Variants in UPB1 observed in about 807,000 individuals in gnomAD.
UPB1 encodes beta-ureidopropionase 1, also known as beta-ureidopropionase.
UPB1 carries 40 observed loss-of-function variants against 49.1 expected under a neutral mutation model. That is an observed-to-expected ratio of 0.81 (90% confidence interval 0.63 to 1.06). UPB1 has a LOEUF of 1.06. UPB1 is among the 50% of genes least tolerant of loss of function. The pLI is 0.00. For missense variants in UPB1, 499 were observed against 505.9 expected, an observed-to-expected ratio of 0.99 and a Z score of 0.13; for synonymous variants, 207 against 198.2, an observed-to-expected ratio of 1.04 and a Z score of -0.38.
Position 24,526,646 on chromosome 22 carries a change from AG to A in UPB1, c.*853del, listed in dbSNP as rs2044484548. 6.6e-6 allele frequency: 1 copy of A among 152,278 alleles called. No homozygotes were observed. The highest frequency in any genetic ancestry group is 1.5e-5 in the Non-Finnish European group (1 of 68,064). 9.4% of individuals were successfully genotyped at this position (152,278 alleles called of 1,614,324 possible). On this transcript the variant is annotated 3_prime_UTR_variant, in exon 10 of 10. Coordinates refer to ENST00000326010, the MANE Select transcript of UPB1 (RefSeq NM_016327.3). ...AGATTTTGGTGCCAAAAGTGGTTCT[AG>A]AAAAATAGAATCTTAAAGATGAGTT...
intron 6 of UPB1, chr22:24,518,426 G>C (rs1048822975): frequency 6.6e-6 from 1 of 152,224 alleles, no homozygotes; most frequent in East Asian, 1.9e-4. Context: ...GATGAGGATA[G>C]TCATGGAGTG....
intron 1 of UPB1, among the ~76,000 whole-genome samples, chr22:24,496,878 A>G (rs1473339224): frequency 2.9e-4 from 44 of 152,206 alleles, no homozygotes; most frequent in Admixed American, 2.8e-3. Context: ...TGCTGGATTT[A>G]GCCATGATAA....
chr22:24,507,053 C>A (rs2044104084), intron 3 of UPB1, among the ~76,000 whole-genome samples: 1 of 152,212 alleles, frequency 6.6e-6, no homozygotes, highest in Non-Finnish European at 1.5e-5. Context: ...AGTTGAAGAA[C>A]TGTAGTTGGG....
chr22:24,512,047 T>G (rs188752887), intron 4 of UPB1, among the ~76,000 whole-genome samples: 1 of 152,318 alleles, frequency 6.6e-6, no homozygotes, highest in African/African-American at 2.4e-5. Context: ...ATACATATAC[T>G]TAGGGGCTTT....
At chr22:24,516,702 G>A (rs951308981) in intron 6 of UPB1, 1 of 151,976 alleles carries the variant, frequency 6.6e-6, no homozygotes, top group African/African-American at 2.4e-5. Flanking sequence ...CCTCATTCTT[G>A]ACTAAATTTC....
At chr22:24,515,962 G>A (rs538761741) in intron 6 of UPB1, among the ~76,000 whole-genome samples, 81 of 152,040 alleles carry the variant, frequency 5.3e-4, no homozygotes, top group Non-Finnish European at 8.2e-4. Flanking sequence ...GTGATAGAGC[G>A]AGACTCCATC....
intron 6 of UPB1, among the ~76,000 whole-genome samples, chr22:24,519,236 A>C (rs576705774): frequency 6.6e-6 from 1 of 152,144 alleles, no homozygotes; most frequent in Non-Finnish European, 1.5e-5. Flanking sequence ...CAGACTCATG[A>C]ATCCTCCTGA....
intron 3 of UPB1, among the ~76,000 whole-genome samples, chr22:24,505,249 G>A (rs1055694230): frequency 1.3e-5 from 2 of 152,104 alleles, no homozygotes; most frequent in African/African-American, 4.8e-5. Context: ...AGTAAATTTT[G>A]TTTTCTCTCT....
chr22:24,499,150 G>T (rs554236037), intron 1 of UPB1, among the ~76,000 whole-genome samples: 3 of 152,338 alleles, frequency 2.0e-5, no homozygotes, highest in Admixed American at 2.0e-4. Flanking sequence ...CACATGGAAA[G>T]TGCCTGGCAG....
At chr22:24,509,731 G>T (rs886153694) in intron 3 of UPB1, among the ~76,000 whole-genome samples, 2 of 121,462 alleles carry the variant, frequency 1.6e-5, no homozygotes, top group African/African-American at 6.8e-5. Flanking sequence ...TGTGTGTGTG[G>T]CATATAGATA....
chr22:24,521,434 C>T (rs2044391585), intron 7 of UPB1, among the ~76,000 whole-genome samples: 1 of 152,060 alleles, frequency 6.6e-6, no homozygotes, highest in Non-Finnish European at 1.5e-5. Flanking sequence ...GCGGTCGCAT[C>T]ATTGCACTCC....
At chr22:24,495,532 AT>A (rs769205884) in intron 1 of UPB1, 25 bp downstream of exon 1, 91 of 1,611,402 alleles carry the variant, frequency 5.6e-5, no homozygotes, top group Non-Finnish European at 7.4e-5. Context: ...GGCTAAGCTA[AT>A]GGGGTCTTGG....
intron 3 of UPB1, chr22:24,502,578 C>G (rs757800682): frequency 3.8e-5 from 29 of 766,928 alleles, no homozygotes; most frequent in African/African-American, 1.9e-4. Flanking sequence ...GCCAGCCCCC[C>G]CATCTAAACA....
chr22:24,517,713 G>C (rs1004029138), intron 6 of UPB1, among the ~76,000 whole-genome samples: 1 of 152,234 alleles, frequency 6.6e-6, no homozygotes, highest in Non-Finnish European at 1.5e-5. Context: ...CCTCAGCCAA[G>C]AATCATCCAA....
intron 5 of UPB1, 108 bp from the exon 6 acceptor site, chr22:24,515,093 T>G (rs2053109743): frequency 7.1e-7 from 1 of 1,411,076 alleles, no homozygotes; most frequent in Non-Finnish European, 9.9e-7. Flanking sequence ...AGAGTCACAC[T>G]CAGGAGTGTA....
intron 8 of UPB1, among the ~76,000 whole-genome samples, chr22:24,523,108 G>A (rs2044424616): frequency 6.6e-6 from 1 of 152,164 alleles, no homozygotes; most frequent in Non-Finnish European, 1.5e-5. Context: ...GAAAGGGCAG[G>A]GGAATGAGCG....
chr22:24,495,636 C>A, intron 1 of UPB1, 129 bp downstream of exon 1: 2 of 993,120 alleles, frequency 2.0e-6, no homozygotes, highest in Non-Finnish European at 3.1e-6. Context: ...AGTTGGCGGG[C>A]AGAGACCATA....
At chr22:24,499,689 G>A (rs754928087) in intron 1 of UPB1, among the ~76,000 whole-genome samples, 8 of 152,098 alleles carry the variant, frequency 5.3e-5, no homozygotes, top group Non-Finnish European at 1.0e-4. Flanking sequence ...CAAGCCCCTC[G>A]GCTCCCACAG....
At chr22:24,499,348 C>T (rs1243837365) in intron 1 of UPB1, among the ~76,000 whole-genome samples, 5 of 152,156 alleles carry the variant, frequency 3.3e-5, no homozygotes, top group East Asian at 1.9e-4. Context: ...GGCTAGGGGC[C>T]GTGTCCCATC....
Sources: gnomAD v4.1 joint callset for allele counts (sites outside exome capture counted in the v4.1 genomes callset) on GRCh38, gnomAD v4.1.1 for gene constraint, MANE v1.5 for transcripts, NCBI Gene and HGNC (gene_info 2026-07-23, HGNC 2026-07-21) for gene names.